Variants in CTSL observed in about 807,000 individuals in gnomAD.
The protein encoded by CTSL is cathepsin L.
A neutral mutation model predicts 34.7 loss-of-function variants in CTSL; 23 were observed. That is an observed-to-expected ratio of 0.66 (90% CI 0.48 to 0.94). CTSL has a LOEUF of 0.94. Among genes scored for constraint, CTSL ranks in the 40% least tolerant of loss-of-function variants. The pLI is 0.00. For missense variants in CTSL, 361 were observed against 406.3 expected (o/e 0.89, Z 0.96); for synonymous variants, 129 against 136.7 (o/e 0.94, Z 0.39).
chr9:87,730,773 A>G (rs750349774), intron 7 of CTSL, among the ~76,000 whole-genome samples: 3 of 152,194 alleles, frequency 2.0e-5, no homozygotes, highest in Non-Finnish European at 2.9e-5. Flanking sequence ...AAGACATCCT[A>G]TTGTTTTCCT....
chr9:87,726,848 G>C (rs1043310716), intron 1 of CTSL, among the ~76,000 whole-genome samples: 10 of 152,110 alleles, frequency 6.6e-5, no homozygotes, highest in African/African-American at 2.4e-4. Flanking sequence ...TTCGAGACCA[G>C]CCTGGCCAAC....
chr9:87,728,526 T>A, intron 4 of CTSL, 59 bp from the exon 5 acceptor site: 1 of 1,582,082 alleles, frequency 6.3e-7, no homozygotes, highest in Non-Finnish European at 8.6e-7. Flanking sequence ...TGTGAGCTGT[T>A]GTCAAAGTCT....
Position 87,727,660 on chromosome 9 carries a change from A to T in CTSL, c.57A>T (p.Leu19=), listed in dbSNP as rs201208279. ...AFCLGIASAT[L]TFDHSLEAQW... is the part of the protein sequence containing the mutation. ...GCCTGGGAATTGCCTCAGCTACTCT[A>T]ACATTTGATCACAGTTTAGAGGCAC... Residue 19 remains leucine, a synonymous_variant, in exon 2 of 8, where the codon CTA becomes CTT. Transcript: ENST00000343150. 1 of 1,614,076 alleles carries T rather than the reference A, an allele frequency of 6.2e-7. No homozygotes were observed. The highest frequency in any genetic ancestry group is 1.1e-5 in the South Asian group (1 of 91,076).
intron 2 of CTSL, 28 bp downstream of exon 2, chr9:87,727,757 G>A (rs2118225947): frequency 6.2e-7 from 1 of 1,613,432 alleles, no homozygotes; most frequent in South Asian, 1.1e-5. Flanking sequence ...AGAAAGAATA[G>A]TCCTGGCTGT....
At chr9:87,727,462 T>C (rs1826062185) in intron 1 of CTSL, 132 bp from the exon 2 acceptor site, 1 of 979,334 alleles carries the variant, frequency 1.0e-6, no homozygotes, top group African/African-American at 1.6e-5. Context: ...TCTTCCACAG[T>C]CCTTGGGTAA....
rs1226063307 is a variant in CTSL, at chr9:87,726,400, T to G, written c.-11+2T>G. 1 of 152,178 alleles carries G rather than the reference T, an allele frequency of 6.6e-6. No homozygotes were observed. The highest frequency in any genetic ancestry group is 1.5e-5 in the Non-Finnish European group (1 of 68,132). The allele number at this position is 152,178 out of a possible 1,614,324, so 9.4% of individuals were successfully genotyped here. A position where few individuals can be genotyped will look rare whatever the true frequency, so the allele number is the denominator to read the frequency against. ...AGCCTCCGAGCCGGGTGGACACAGG[T>G]ACCGCAGCCAGGCCGCGCCGCGCCG... is the stretch of plus-strand genomic sequence containing the variant. On this transcript the variant is annotated splice_donor_variant, in intron 1 of 7. Coordinates refer to ENST00000343150, the MANE Select transcript of CTSL (RefSeq NM_001912.5). LOFTEE classifies it low-confidence loss of function (5UTR_SPLICE).
Position 87,728,601 on chromosome 9 carries a change from G to T in CTSL, c.413G>T (p.Cys138Phe), listed in dbSNP as rs986954179. ...PVKNQGQCGSCWAFSATGALE... is the reference protein window; with the variant it reads ...PVKNQGQCGSFWAFSATGALE... ...CCTTTTCAGGGTCAGTGTGGTTCTTGTTGGGCTTTTAGTGCTACTGGTGCT... is the reference window on the plus strand; with the variant it reads ...CCTTTTCAGGGTCAGTGTGGTTCTTTTTGGGCTTTTAGTGCTACTGGTGCT... The change falls in exon 5 of 8, where the codon TGT (cysteine) becomes TTT (phenylalanine). Residue 138 changes from cysteine to phenylalanine, a missense_variant. Cys to Phe is a radical substitution (Grantham distance 205). Transcript: ENST00000343150. The T allele has an allele frequency of 6.2e-6, 10 of 1,613,902 alleles. No homozygotes were observed. The highest frequency in any genetic ancestry group is 1.3e-5 in the African/African-American group (1 of 74,982).
Position 87,727,599 on chromosome 9 carries a change from A to G in CTSL, c.-5A>G, listed in dbSNP as rs1223854279. 2 of 1,613,902 alleles carry G rather than the reference A, an allele frequency of 1.2e-6. No individual in the cohort carries two copies. Among genetic ancestry groups the G allele is most frequent in the African/African-American group, 2.7e-5 (2 of 74,906 alleles). The stretch of plus-strand genomic sequence containing the variant: ...CATTTTTGTTCCCTTCCTAGGTTTT[A>G]AAACATGAATCCTACACTCATCCTT... On this transcript the variant is annotated 5_prime_UTR_variant, in exon 2 of 8. Transcript: ENST00000343150.
intron 7 of CTSL, among the ~76,000 whole-genome samples, 154 bp downstream of exon 7, chr9:87,730,652 G>A (rs763180015): frequency 2.0e-5 from 3 of 152,226 alleles, no homozygotes; most frequent in Non-Finnish European, 4.4e-5. Context: ...GATTATAAAA[G>A]TAAGAAACTG....
chr9:87,729,113 T>A, intron 5 of CTSL: 1 of 617,924 alleles, frequency 1.6e-6, no homozygotes, highest in Non-Finnish European at 2.6e-6. Context: ...GTGTGGGAGG[T>A]GGTTGTGCAA....
rs1346598781 is a variant in CTSL at position 87,729,742 on chromosome 9, A to G, written c.784+7A>G. On this transcript the variant is annotated splice_region_variant and intron_variant, in intron 6 of 7. Coordinates refer to ENST00000343150, the MANE Select transcript of CTSL (RefSeq NM_001912.5). ...TTCCTGTTCTATAAAGAAGGTAAGC[A>G]TATTTTTCTTTGTAGAAATTGATGC... 3.1e-6 allele frequency: 5 copies of G among 1,588,618 alleles called. No individual in the cohort carries two copies. Among genetic ancestry groups the G allele is most frequent in the African/African-American group, 1.4e-5 (1 of 73,628 alleles).
chr9:87,727,785 A>G, intron 2 of CTSL, 56 bp downstream of exon 2: 1 of 1,605,534 alleles, frequency 6.2e-7, no homozygotes, highest in Non-Finnish European at 8.5e-7. Context: ...TTTTAGTCAG[A>G]GAGTAGCTTC....
chr9:87,729,885 C>A (rs927009471), intron 6 of CTSL, 150 bp downstream of exon 6: 1 of 655,898 alleles, frequency 1.5e-6, no homozygotes, highest in African/African-American at 1.8e-5. Flanking sequence ...AATATTTATA[C>A]CTGATGTTTC....
intron 4 of CTSL, 88 bp from the exon 5 acceptor site, chr9:87,728,497 T>C (rs538798264): frequency 6.4e-7 from 1 of 1,567,804 alleles, no homozygotes; most frequent in South Asian, 1.2e-5. Flanking sequence ...ACAGTTCACT[T>C]TTTAACAGTA....
At position 87,731,393 on chromosome 9, in the gene CTSL, A is replaced by G. The variant is rs1411111540; in HGVS notation, c.*286A>G. 2 of 237,096 alleles carry G rather than the reference A, an allele frequency of 8.4e-6. No individual in the cohort carries two copies. Among genetic ancestry groups the G allele is most frequent in the African/African-American group, 4.5e-5 (2 of 44,762 alleles). The allele number at this position is 237,096 out of a possible 1,614,324, so 14.7% of individuals were successfully genotyped here. The stretch of plus-strand genomic sequence containing the variant: ...TTAAATAAAATTTAATTTCAAATGT[A>G]GTGGTGGGGCTTCTTTCTATTTTTG... On this transcript the variant is annotated 3_prime_UTR_variant, in exon 8 of 8. Coordinates refer to ENST00000343150, the MANE Select transcript of CTSL (RefSeq NM_001912.5).
chr9:87,729,744 A>AT lies in CTSL; in HGVS notation c.784+14dup, dbSNP rs965786599. On this transcript the variant is annotated intron_variant, in intron 6 of 7. Coordinates refer to ENST00000343150, the MANE Select transcript of CTSL (RefSeq NM_001912.5). The stretch of plus-strand genomic sequence containing the variant: ...CCTGTTCTATAAAGAAGGTAAGCAT[A>AT]TTTTTCTTTGTAGAAATTGATGCAG... 5.0e-6 allele frequency: 8 copies of AT among 1,587,278 alleles called. No individual in the cohort carries two copies. In the Admixed American group the frequency reaches 1.1e-4, roughly 22 times the overall value.
At chr9:87,727,038 CAAAA>C (rs1343645276) in intron 1 of CTSL, among the ~76,000 whole-genome samples, 1 of 119,456 alleles carries the variant, frequency 8.4e-6, no homozygotes, top group Non-Finnish European at 1.8e-5. Flanking sequence ...GACTCCATCT[CAAAA>C]AATAAATAAA....
intron 5 of CTSL, 79 bp downstream of exon 5, chr9:87,728,888 G>A (rs117803245): frequency 0.036 from 58,030 of 1,594,560 alleles, 1,192 homozygotes; most frequent in Middle Eastern, 0.075. Context: ...TACCTTTTTC[G>A]GAATTCATAT....
Position 87,730,445 on chromosome 9 carries a change from C to T in CTSL, c.849C>T (p.Tyr283=), listed in dbSNP as rs190277186. 272 of 1,612,920 alleles carry T rather than the reference C, an allele frequency of 1.7e-4. 1 individual carries two copies. Among genetic ancestry groups the T allele is most frequent in the Middle Eastern group, 9.9e-4 (6 of 6,060 alleles). ...ATCATGGTGTGCTGGTGGTTGGCTA[C>T]GGATTTGAAAGCACAGAATCAGATA... is the stretch of plus-strand genomic sequence containing the variant. The part of the protein sequence containing the change: ...DMDHGVLVVG[Y]GFESTESDNN... Residue 283 remains tyrosine (Y), a synonymous_variant, in exon 7 of 8, where the codon TAC becomes TAT. Transcript: ENST00000343150.
Sources: gnomAD v4.1 joint callset for allele counts (sites outside exome capture counted in the v4.1 genomes callset) on GRCh38, gnomAD v4.1.1 for gene constraint, MANE v1.5 for transcripts, NCBI Gene and HGNC (gene_info 2026-07-23, HGNC 2026-07-21) for gene names.